Variants in SMPD3 observed in about 807,000 individuals in gnomAD.
SMPD3 encodes sphingomyelin phosphodiesterase 3.
SMPD3 carries 21 observed loss-of-function variants against 55.7 expected under a neutral mutation model. That is an observed-to-expected ratio of 0.38 (90% CI 0.27 to 0.54). SMPD3 has a LOEUF of 0.54. Ranked by LOEUF, SMPD3 falls within the 20% of genes least tolerant of loss-of-function variation. The probability of loss-of-function intolerance (pLI) is 0.80; values close to 1 mark genes in which losing one functional copy is unlikely to be tolerated. For synonymous variants in SMPD3, 457 were observed against 404.3 expected (o/e 1.13, Z -1.56); for missense variants, 842 against 899.6 (o/e 0.94, Z 0.82).
chr16:68,428,790 C>G (rs2152028494), intron 1 of SMPD3, among the ~76,000 whole-genome samples: 1 of 152,306 alleles, frequency 6.6e-6, no homozygotes, highest in Non-Finnish European at 1.5e-5. Context: ...CACTTGGTCC[C>G]TGCCTTAGAG....
chr16:68,371,496 G>A lies in SMPD3; in HGVS notation c.686C>T (p.Ala229Val). 1 of 1,599,072 alleles carries A rather than the reference G, an allele frequency of 6.3e-7. No individual in the cohort carries two copies. Among genetic ancestry groups the A allele is most frequent in the Non-Finnish European group, 8.5e-7 (1 of 1,179,574 alleles). Residue 229 changes from alanine to valine, a missense_variant, in exon 3 of 9, where the codon GCC becomes GTC. This residue lies in a region of SMPD3 where 649 missense variants were observed against 643.6 expected (regional missense o/e 1.01). Coordinates refer to ENST00000219334, the MANE Select transcript of SMPD3 (RefSeq NM_018667.4). ...HPGDEAANGP[A>V]SGDPVDSSSP... ...GCTGCTGTCGACAGGGTCCCCAGAG[G>A]CTGGGCCGTTGGCAGCCTCGTCACC...
intron 2 of SMPD3, among the ~76,000 whole-genome samples, chr16:68,384,846 G>T (rs527782261): frequency 3.3e-5 from 5 of 152,186 alleles, no homozygotes; most frequent in African/African-American, 1.2e-4. Context: ...GAGAACAAGT[G>T]GCAGCCCTGC....
At chr16:68,378,888 A>G (rs1221695613) in intron 2 of SMPD3, among the ~76,000 whole-genome samples, 1 of 152,208 alleles carries the variant, frequency 6.6e-6, no homozygotes, top group Non-Finnish European at 1.5e-5. Flanking sequence ...TTCAGAGGAA[A>G]ACAGACCTTA....
chr16:68,382,791 C>A (rs895182354), intron 2 of SMPD3, among the ~76,000 whole-genome samples: 2 of 152,148 alleles, frequency 1.3e-5, no homozygotes, highest in Admixed American at 1.3e-4. Flanking sequence ...GGGAGGATCC[C>A]CTGCATTCAC....
At position 68,360,040 on chromosome 16, in the gene SMPD3, T is replaced by TGCCTCCTA. The variant is rs1811455319; in HGVS notation, c.*1158_*1165dup. The TGCCTCCTA allele has an allele frequency of 6.5e-6, 1 of 153,068 alleles. No individual in the cohort carries two copies. Among genetic ancestry groups the TGCCTCCTA allele is most frequent in the Admixed American group, 6.5e-5 (1 of 15,296 alleles). 9.5% of individuals were successfully genotyped at this position (153,068 alleles called of 1,614,324 possible). ...GGCTGCTCTCTGCACCTTGGCTTCC[T>TGCCTCCTA]GCCTCCTAGGCCGGGGTCCCCTTGT... On this transcript the variant is annotated 3_prime_UTR_variant, in exon 9 of 9. Coordinates refer to ENST00000219334, the MANE Select transcript of SMPD3 (RefSeq NM_018667.4).
At chr16:68,389,195 G>A (rs2090088943) in intron 1 of SMPD3, among the ~76,000 whole-genome samples, 1 of 152,218 alleles carries the variant, frequency 6.6e-6, no homozygotes, top group African/African-American at 2.4e-5. Context: ...GAGCAGGGAG[G>A]GCCTGGGGGG....
intron 1 of SMPD3, among the ~76,000 whole-genome samples, chr16:68,434,425 T>A (rs911760419): frequency 6.6e-6 from 1 of 152,254 alleles, no homozygotes; most frequent in African/African-American, 2.4e-5. Context: ...TGCTTGACAC[T>A]GCTTATTGCC....
At chr16:68,408,209 T>G (rs1042882611) in intron 1 of SMPD3, among the ~76,000 whole-genome samples, 2 of 152,170 alleles carry the variant, frequency 1.3e-5, no homozygotes, top group Non-Finnish European at 2.9e-5. Flanking sequence ...TATTATTAAA[T>G]AAAAGATAAT....
At position 68,428,750 on chromosome 16, in the gene SMPD3, G is replaced by A. The variant is rs115253228; in HGVS notation, c.-269+19603C>T. ...TCCCCAGATCACAGAACCCTCTGTCGATACCTGAACTAGGGGCTGGAGGAG... is the reference window on the plus strand; with the variant it reads ...TCCCCAGATCACAGAACCCTCTGTCAATACCTGAACTAGGGGCTGGAGGAG... On this transcript the variant is annotated intron_variant, in intron 1 of 8. Coordinates refer to ENST00000219334, the MANE Select transcript of SMPD3 (RefSeq NM_018667.4). Among the ~76,000 whole-genome samples the A allele has an allele frequency of 2.4e-3, 364 of 152,258 alleles. 4 individuals are homozygous for A. The highest frequency in any genetic ancestry group is 8.5e-3 in the African/African-American group (354 of 41,542).
At position 68,359,566 on chromosome 16, in the gene SMPD3, T is replaced by TGC. The variant is rs2089110623; in HGVS notation, c.*1638_*1639dup. On this transcript the variant is annotated 3_prime_UTR_variant, in exon 9 of 9. Coordinates refer to ENST00000219334, the MANE Select transcript of SMPD3 (RefSeq NM_018667.4). ...TGCGTGGCCCCCTCTTGGTCCCTCT[T>TGC]GCAGCTCAATGGGTGACAAGGCACA... 6.5e-6 allele frequency: 1 copy of TGC among 152,748 alleles called. No individual in the cohort carries two copies. Among genetic ancestry groups the TGC allele is most frequent in the Non-Finnish European group, 1.5e-5 (1 of 68,092 alleles). 9.5% of individuals were successfully genotyped at this position (152,748 alleles called of 1,614,324 possible).
intron 2 of SMPD3, among the ~76,000 whole-genome samples, chr16:68,379,435 G>T (rs1268462682): frequency 6.6e-6 from 1 of 152,234 alleles, no homozygotes; most frequent in African/African-American, 2.4e-5. Context: ...TGTGGTGCCT[G>T]CCTCATCTCT....
intron 1 of SMPD3, among the ~76,000 whole-genome samples, chr16:68,423,813 A>G (rs1190234850): frequency 2.0e-5 from 3 of 152,112 alleles, no homozygotes; most frequent in African/African-American, 7.2e-5. Flanking sequence ...CACTCTGAGC[A>G]TGAAAGAACA....
intron 2 of SMPD3, among the ~76,000 whole-genome samples, chr16:68,375,924 C>T (rs1051405249): frequency 6.6e-6 from 1 of 152,150 alleles, no homozygotes; most frequent in Non-Finnish European, 1.5e-5. Flanking sequence ...GACTCCAGGT[C>T]CCCCGTCCAT....
At position 68,371,313 on chromosome 16, in the gene SMPD3, C is replaced by T. The variant is rs1887895661; in HGVS notation, c.869G>A (p.Gly290Glu). ...PNHNQQDGDS[G>E]SLGSPSASRE... ...GGAGGCCGAGGGGCTGCCCAGGCTC[C>T]CTGAATCCCCGTCCTGCTGATTATG... Residue 290 changes from glycine to glutamate, a missense_variant, in exon 3 of 9, where the codon GGG (glycine) becomes GAG (glutamate). Gly to Glu is a moderately conservative substitution (Grantham distance 98, BLOSUM62 -2). Transcript: ENST00000219334. 2 of 1,599,076 alleles carry T rather than the reference C, an allele frequency of 1.3e-6. No homozygotes were observed. The highest frequency in any genetic ancestry group is 1.1e-5 in the South Asian group (1 of 90,684).
intron 7 of SMPD3, among the ~76,000 whole-genome samples, chr16:68,362,129 C>T (rs144060299): frequency 2.6e-5 from 4 of 152,334 alleles, no homozygotes; most frequent in East Asian, 3.9e-4. Flanking sequence ...CCATGAGTCT[C>T]GGGGACCCTT....
At chr16:68,373,615 ACTCTGC>A in intron 2 of SMPD3, among the ~76,000 whole-genome samples, 1 of 151,762 alleles carries the variant, frequency 6.6e-6, no homozygotes, top group East Asian at 1.9e-4. Flanking sequence ...GTGTCACTGG[ACTCTGC>A]CTTTCCTCAG....
chr16:68,374,098 G>T lies in SMPD3; in HGVS notation c.-206-1711C>A, dbSNP rs1411729559. ...CCTGCCCAGCAGACCGCAAGCTTCA[G>T]GAAAGAATAGGCTGCACAGGGGCGC... is the stretch of plus-strand genomic sequence containing the variant. On this transcript the variant is annotated intron_variant, in intron 2 of 8. Coordinates refer to ENST00000219334, the MANE Select transcript of SMPD3 (RefSeq NM_018667.4). 2.6e-5 allele frequency among the ~76,000 whole-genome samples: 4 copies of T among 152,354 alleles called. No individual in the cohort carries two copies. In the East Asian group the frequency reaches 7.7e-4, roughly 29 times the overall value.
At chr16:68,383,333 C>T (rs367665039) in intron 2 of SMPD3, among the ~76,000 whole-genome samples, 1 of 152,186 alleles carries the variant, frequency 6.6e-6, no homozygotes, top group African/African-American at 2.4e-5. Flanking sequence ...TGCCCTCCCC[C>T]GCACACCACA....
At chr16:68,434,024 G>A (rs897570163) in intron 1 of SMPD3, among the ~76,000 whole-genome samples, 10 of 152,100 alleles carry the variant, frequency 6.6e-5, no homozygotes, top group African/African-American at 2.2e-4. Context: ...TGGCTTTTCA[G>A]TGGTTTAGGA....
Sources: gnomAD v4.1 joint callset for allele counts (sites outside exome capture counted in the v4.1 genomes callset) on GRCh38, gnomAD v4.1.1 for gene constraint, gnomAD v4.1.1 regional missense constraint, MANE v1.5 for transcripts, NCBI Gene and HGNC (gene_info 2026-07-23, HGNC 2026-07-21) for gene names.